The following TMEM165 variants were observed in gnomAD, a reference collection of about 807,000 sequenced individuals.
TMEM165 encodes transmembrane protein 165, also known as putative divalent cation/proton antiporter TMEM165.
A neutral mutation model predicts 30.0 loss-of-function variants in TMEM165; 19 were observed. The ratio of observed to expected loss-of-function variants is 0.63; its 90% CI spans 0.44 to 0.93. The LOEUF (loss-of-function observed/expected upper bound fraction) is 0.93. Among genes scored for constraint, TMEM165 ranks in the 40% least tolerant of loss-of-function variants. The pLI, the probability that TMEM165 is intolerant of heterozygous loss-of-function variation, is 0.00. For missense variants in TMEM165, 340 were observed against 417.0 expected, an observed-to-expected ratio of 0.82 and a Z score of 1.61; for synonymous variants, 168 against 162.9, an observed-to-expected ratio of 1.03 and a Z score of -0.24.
intron 3 of TMEM165, chr4:55,450,194 G>A: frequency 6.2e-7 from 1 of 1,613,986 alleles, no homozygotes; most frequent in Non-Finnish European, 8.5e-7. Flanking sequence ...CCTTGAGACT[G>A]ACTGTGTTTA....
At chr4:55,417,320 A>G in intron 3 of TMEM165, 73 bp downstream of exon 3, 22 of 1,452,498 alleles carry the variant, frequency 1.5e-5, no homozygotes, top group Non-Finnish European at 2.0e-5. Flanking sequence ...GAGGTTTCTC[A>G]GTGGCCCCAT....
At chr4:55,431,274 T>C (rs897501629) in intron 3 of TMEM165, 6 of 152,180 alleles carry the variant, frequency 3.9e-5, no homozygotes, top group African/African-American at 4.8e-5. Flanking sequence ...ACATTACCCA[T>C]GCGGATGAGG....
At chr4:55,396,753 T>C (rs1396789432) in intron 1 of TMEM165, among the ~76,000 whole-genome samples, 1 of 152,206 alleles carries the variant, frequency 6.6e-6, no homozygotes, top group Non-Finnish European at 1.5e-5. Context: ...AGGAGGCTTT[T>C]TGTATTCCCT....
chr4:55,411,845 T>A lies in TMEM165; in HGVS notation c.433+6T>A. 1 of 1,613,840 alleles carries A rather than the reference T, an allele frequency of 6.2e-7. No homozygotes were observed. The highest frequency in any genetic ancestry group is 8.5e-7 in the Non-Finnish European group (1 of 1,179,774). On this transcript the variant is annotated splice_donor_region_variant and intron_variant, in intron 2 of 5. Coordinates refer to ENST00000381334, the MANE Select transcript of TMEM165 (RefSeq NM_018475.5). ...ACTAATGACATGCTTGTCAGGTGAG[T>A]GTGCTTTTCCCTCTCATGAGTTCGC... is the stretch of plus-strand genomic sequence containing the variant.
At chr4:55,407,477 T>C (rs1721317309) in intron 1 of TMEM165, among the ~76,000 whole-genome samples, 2 of 152,238 alleles carry the variant, frequency 1.3e-5, no homozygotes, top group South Asian at 4.1e-4. Context: ...ATAATTTAAA[T>C]AGTAGCATTT....
chr4:55,404,230 C>T (rs1721178078), intron 1 of TMEM165, among the ~76,000 whole-genome samples: 1 of 150,962 alleles, frequency 6.6e-6, no homozygotes, highest in Non-Finnish European at 1.5e-5. Flanking sequence ...GTTTGCCAGG[C>T]AGCTCTTGAA....
intron 3 of TMEM165, chr4:55,431,999 C>G (rs1194864644): frequency 1.3e-5 from 2 of 152,136 alleles, no homozygotes; most frequent in Non-Finnish European, 2.9e-5. Context: ...TTCTGAAGAC[C>G]AAACATTTTC....
intron 3 of TMEM165, chr4:55,443,959 AAAG>A: frequency 6.9e-7 from 1 of 1,439,646 alleles, no homozygotes; most frequent in Non-Finnish European, 9.6e-7. Flanking sequence ...TGAGCATTAA[AAAG>A]AAGGCAAAAT....
chr4:55,442,351 A>T (rs1215236194), intron 3 of TMEM165: 6 of 1,279,436 alleles, frequency 4.7e-6, no homozygotes, highest in African/African-American at 4.4e-5. Flanking sequence ...ACATTAAAAA[A>T]TTTGATTAAG....
downstream of TMEM165, chr4:55,427,842 A>G (rs769648319): frequency 2.6e-5 from 4 of 152,234 alleles, no homozygotes; most frequent in Non-Finnish European, 4.4e-5. Context: ...GACCTAAGCT[A>G]TAAGGTAAAA....
In TMEM165 at chr4:55,425,733, G is replaced by C. The variant is rs984503333; in HGVS notation, c.*281G>C. The stretch of plus-strand genomic sequence containing the variant: ...TTGGTGCAGAACCGTTGTGCAGTGG[G>C]GTCTACCATGCAATTTTCTTTCAGC... On this transcript the variant is annotated 3_prime_UTR_variant, in exon 6 of 6. Coordinates refer to ENST00000381334, the MANE Select transcript of TMEM165 (RefSeq NM_018475.5). 3 of 235,874 alleles carry C rather than the reference G, an allele frequency of 1.3e-5. No individual in the cohort carries two copies. The highest frequency in any genetic ancestry group is 4.5e-5 in the African/African-American group (2 of 44,178). The allele number at this position is 235,874 out of a possible 1,614,324, so 14.6% of individuals were successfully genotyped here. A position where few individuals can be genotyped will look rare whatever the true frequency, so the allele number is the denominator to read the frequency against.
At chr4:55,408,488 A>AT (rs759174670) in intron 1 of TMEM165, among the ~76,000 whole-genome samples, 10 of 152,202 alleles carry the variant, frequency 6.6e-5, no homozygotes, top group Non-Finnish European at 1.5e-4. Flanking sequence ...TACTGTAGGC[A>AT]GTTGTAACAT....
intron 3 of TMEM165, among the ~76,000 whole-genome samples, chr4:55,449,812 G>A (rs1036991628): frequency 2.3e-5 from 3 of 131,516 alleles, no homozygotes; most frequent in Non-Finnish European, 5.1e-5. Context: ...TGGCCCTACA[G>A]TAAAAAAACA....
chr4:55,451,023 G>C (rs1724395590), intron 3 of TMEM165, among the ~76,000 whole-genome samples: 1 of 150,512 alleles, frequency 6.6e-6, no homozygotes. Context: ...CAAACATGCT[G>C]TTATTTCTCT....
chr4:55,396,376 C>G lies in TMEM165; in HGVS notation c.187C>G (p.Pro63Ala). 6.7e-7 allele frequency: 1 copy of G among 1,495,070 alleles called. No individual in the cohort carries two copies. The highest frequency in any genetic ancestry group is 1.5e-5 in the African/African-American group (1 of 68,806). The allele number at this position is 1,495,070 out of a possible 1,614,324, so 92.6% of individuals were successfully genotyped here. Residue 63 changes from proline (P) to alanine (A), a missense_variant, in exon 1 of 6, where the codon CCC (proline) becomes GCC (alanine). By Grantham distance (27) the Pro-to-Ala change is conservative (BLOSUM62 -1). This residue lies in a region of TMEM165 where 120 missense variants were observed against 109.4 expected (regional missense o/e 1.10). Transcript: ENST00000381334. ...GCCGCAGCCTGTGGCTGTGCAGGGC[C>G]CCGAGCCGGCCCGGGTCGAGGTGAG... ...LQPQPVAVQG[P>A]EPARVEKIFT...
At chr4:55,412,393 CA>C (rs371124857) in intron 2 of TMEM165, among the ~76,000 whole-genome samples, 2,140 of 54,158 alleles carry the variant, frequency 0.04, 18 homozygotes, top group African/African-American at 0.15. Context: ...GACTCCATCT[CA>C]AAAAAAAAAA....
chr4:55,402,794 G>GTTTTTTTTTTTTTTTTTT (rs1491276185), intron 1 of TMEM165, among the ~76,000 whole-genome samples: 3 of 52,518 alleles, frequency 5.7e-5, no homozygotes, highest in African/African-American at 8.3e-5. Context: ...TTTAAAAAAA[G>GTTTTTTTTTTTTTTTTTT]CTTTTTTTTT....
downstream of TMEM165, among the ~76,000 whole-genome samples, chr4:55,426,564 A>G (rs185919328): frequency 9.2e-5 from 14 of 152,330 alleles, no homozygotes; most frequent in African/African-American, 1.2e-4. Flanking sequence ...TCAGCCTTTT[A>G]TATTCTAGAA....
downstream of TMEM165, among the ~76,000 whole-genome samples, chr4:55,426,713 G>A (rs1158848590): frequency 6.6e-6 from 1 of 152,206 alleles, no homozygotes; most frequent in Admixed American, 6.5e-5. Context: ...GGTCCACAAT[G>A]TAGTCTGCAA....
Sources: gnomAD v4.1 joint callset for allele counts (sites outside exome capture counted in the v4.1 genomes callset) on GRCh38, gnomAD v4.1.1 for gene constraint, gnomAD v4.1.1 regional missense constraint, MANE v1.5 for transcripts, NCBI Gene and HGNC (gene_info 2026-07-23, HGNC 2026-07-21) for gene names.